The following ZFYVE9 variants were observed in gnomAD, a reference collection of about 807,000 sequenced individuals.
ZFYVE9 encodes the protein zinc finger FYVE domain-containing protein 9.
In ZFYVE9, 43 loss-of-function variants were observed where a neutral mutation model predicts 126.7. The ratio of observed to expected loss-of-function variants is 0.34; its 90% CI spans 0.27 to 0.44. ZFYVE9 has a LOEUF of 0.44. Ranked by LOEUF, ZFYVE9 falls within the 20% of genes least tolerant of loss-of-function variation. The pLI is 1.00. For missense variants in ZFYVE9, 1,476 were observed against 1,697.0 expected, an observed-to-expected ratio of 0.87 and a Z score of 2.29; for synonymous variants, 521 against 597.4, an observed-to-expected ratio of 0.87 and a Z score of 1.87.
chr1:52,154,890 A>C (rs1644387532), intron 1 of ZFYVE9, among the ~76,000 whole-genome samples: 1 of 152,162 alleles, frequency 6.6e-6, no homozygotes, highest in Admixed American at 6.5e-5. Context: ...CTTATAAGCA[A>C]AACTTTGGCT....
intron 2 of ZFYVE9, among the ~76,000 whole-genome samples, chr1:52,230,013 G>A (rs545222058): frequency 1.3e-5 from 2 of 152,106 alleles, no homozygotes; most frequent in African/African-American, 2.4e-5. Context: ...GACTACAGGC[G>A]CTTGCCACCA....
intron 4 of ZFYVE9, among the ~76,000 whole-genome samples, chr1:52,240,679 T>G (rs1645324563): frequency 6.6e-6 from 1 of 152,186 alleles, no homozygotes; most frequent in South Asian, 2.1e-4. Flanking sequence ...CAGAAGATAG[T>G]ATCTCAGTTC....
intron 1 of ZFYVE9, among the ~76,000 whole-genome samples, chr1:52,155,313 A>G (rs541557229): frequency 7.1e-6 from 1 of 141,222 alleles, no homozygotes; most frequent in East Asian, 2.1e-4. Context: ...GGCTCACTGC[A>G]GGCTCCGCCC....
intron 1 of ZFYVE9, among the ~76,000 whole-genome samples, chr1:52,203,350 T>G (rs1301255083): frequency 6.6e-6 from 1 of 151,864 alleles, no homozygotes; most frequent in Admixed American, 6.6e-5. Flanking sequence ...GTCCGGCTAA[T>G]TTTTGTATTT....
At chr1:52,339,821 A>G (rs746059157) in intron 16 of ZFYVE9, among the ~76,000 whole-genome samples, 13 of 152,244 alleles carry the variant, frequency 8.5e-5, no homozygotes, top group Middle Eastern at 3.2e-3. Context: ...AAGAAGGGAT[A>G]CTGGAAGAAG....
intron 13 of ZFYVE9, among the ~76,000 whole-genome samples, chr1:52,310,101 A>T (rs777881307): frequency 1.8e-4 from 28 of 151,978 alleles, no homozygotes; most frequent in Middle Eastern, 3.4e-3. Flanking sequence ...CCTCCTGAGT[A>T]GCTGGGACTA....
intron 7 of ZFYVE9, among the ~76,000 whole-genome samples, chr1:52,273,102 G>A (rs944249805): frequency 3.9e-5 from 6 of 152,108 alleles, no homozygotes; most frequent in Non-Finnish European, 8.8e-5. Context: ...CGCCTCCTGG[G>A]TTCAAGTGAT....
At chr1:52,335,899 C>T (rs568084401) in intron 15 of ZFYVE9, among the ~76,000 whole-genome samples, 3 of 152,102 alleles carry the variant, frequency 2.0e-5, no homozygotes, top group Non-Finnish European at 2.9e-5. Flanking sequence ...TTTGGGAGGC[C>T]GAGGGGGGCA....
intron 1 of ZFYVE9, among the ~76,000 whole-genome samples, chr1:52,148,760 A>C (rs990859123): frequency 4.0e-5 from 6 of 149,584 alleles, no homozygotes; most frequent in Non-Finnish European, 7.4e-5. Context: ...TCCTGCCTCA[A>C]CCTCCCTGGT....
intron 4 of ZFYVE9, among the ~76,000 whole-genome samples, chr1:52,240,595 G>A (rs1372082180): frequency 6.6e-6 from 1 of 152,148 alleles, no homozygotes; most frequent in Non-Finnish European, 1.5e-5. Context: ...GTAAACAGAA[G>A]CTATGAGACT....
chr1:52,188,054 T>C (rs1316535150), intron 1 of ZFYVE9, among the ~76,000 whole-genome samples: 1 of 152,132 alleles, frequency 6.6e-6, no homozygotes, highest in Non-Finnish European at 1.5e-5. Context: ...CTATTCACAA[T>C]AGCAAAGACA....
At chr1:52,158,925 T>G (rs995285529) in intron 1 of ZFYVE9, among the ~76,000 whole-genome samples, 1 of 152,040 alleles carries the variant, frequency 6.6e-6, no homozygotes, top group African/African-American at 2.4e-5. Flanking sequence ...CCTGAGCAGC[T>G]GGGACTACAG....
intron 2 of ZFYVE9, among the ~76,000 whole-genome samples, chr1:52,223,595 G>T (rs1274848166): frequency 6.6e-6 from 1 of 152,054 alleles, no homozygotes; most frequent in Non-Finnish European, 1.5e-5. Context: ...TGTCCCAGTG[G>T]GTCCTCTATG....
intron 1 of ZFYVE9, among the ~76,000 whole-genome samples, chr1:52,175,602 G>T (rs1083301): frequency 0.97 from 146,898 of 151,386 alleles, 71,287 homozygotes; most frequent in East Asian, 1. Context: ...CAGAGTGTTT[G>T]CCAACTTGGT....
chr1:52,201,414 G>A (rs1437666890), intron 1 of ZFYVE9, among the ~76,000 whole-genome samples: 2 of 115,660 alleles, frequency 1.7e-5, no homozygotes, highest in Non-Finnish European at 3.3e-5. Flanking sequence ...GTCTTGCTCT[G>A]TCTCCAGGCT....
In ZFYVE9 at chr1:52,294,159, A is replaced by G. The variant is rs181069241; in HGVS notation, c.3250+482A>G. Among the ~76,000 whole-genome samples the G allele has an allele frequency of 2.4e-3, 363 of 152,346 alleles. 8 individuals are homozygous for G. Among genetic ancestry groups the G allele is most frequent in the African/African-American group, 8.5e-3 (353 of 41,592 alleles). ...ACTAAGATGTGATTTTTAAAAAGAC[A>G]TTAATGGTTAAATGCAAACTTTATT... On this transcript the variant is annotated intron_variant, in intron 11 of 18. Coordinates refer to ENST00000287727, the MANE Select transcript of ZFYVE9 (RefSeq NM_004799.4).
chr1:52,269,302 G>A (rs1333102157), intron 7 of ZFYVE9, among the ~76,000 whole-genome samples: 1 of 151,808 alleles, frequency 6.6e-6, no homozygotes, highest in Non-Finnish European at 1.5e-5. Flanking sequence ...GCTAATTTTT[G>A]TATTTTTAGT....
chr1:52,160,905 A>G (rs528175258), intron 1 of ZFYVE9, among the ~76,000 whole-genome samples: 3 of 152,326 alleles, frequency 2.0e-5, no homozygotes, highest in Admixed American at 2.0e-4. Flanking sequence ...CATGCAGTTG[A>G]TCAGTATAGC....
chr1:52,248,890 C>T (rs185376631), intron 4 of ZFYVE9, among the ~76,000 whole-genome samples: 1 of 152,318 alleles, frequency 6.6e-6, no homozygotes, highest in East Asian at 1.9e-4. Context: ...GTCAACAATT[C>T]ACAAGAGCTC....
Sources: gnomAD v4.1 joint callset for allele counts (sites outside exome capture counted in the v4.1 genomes callset) on GRCh38, gnomAD v4.1.1 for gene constraint, MANE v1.5 for transcripts, NCBI Gene and HGNC (gene_info 2026-07-23, HGNC 2026-07-21) for gene names.